CNBD1: variants seen among roughly 807,000 people sequenced by gnomAD.
The protein encoded by CNBD1 is cyclic nucleotide-binding domain-containing protein 1.
A neutral mutation model predicts 54.4 loss-of-function variants in CNBD1; 71 were observed. That is an observed-to-expected ratio of 1.30 (90% CI 1.08 to 1.59). CNBD1 has a LOEUF of 1.59. Among genes scored for constraint, CNBD1 ranks in the 40% most tolerant of loss-of-function variants. CNBD1 has a pLI of 0.00. For missense variants in CNBD1, 659 were observed against 518.0 expected, an observed-to-expected ratio of 1.27 and a Z score of -2.64; for synonymous variants, 182 against 170.7, an observed-to-expected ratio of 1.07 and a Z score of -0.51.
At chr8:87,162,423 C>T (rs559849144) in intron 4 of CNBD1, among the ~76,000 whole-genome samples, 1 of 152,014 alleles carries the variant, frequency 6.6e-6, no homozygotes, top group South Asian at 2.1e-4. Flanking sequence ...CTTTAAGTAT[C>T]TGCATAAGTT....
In CNBD1 at chr8:86,970,069, G is replaced by T. The variant is rs149903802; in HGVS notation, c.431+30315G>T. Among the ~76,000 whole-genome samples the T allele has an allele frequency of 7.2e-4, 110 of 151,914 alleles. 1 individual carries two copies. In the East Asian group the frequency reaches 0.013, roughly 18 times the overall value. ...TTCTTGAATGTTTTTGCTGAATATAGAATTCTAGTTTGGCAGTCATTTTTA... is the reference window on the plus strand; with the variant it reads ...TTCTTGAATGTTTTTGCTGAATATATAATTCTAGTTTGGCAGTCATTTTTA... On this transcript the variant is annotated intron_variant, in intron 4 of 10. Coordinates refer to ENST00000518476, the MANE Select transcript of CNBD1 (RefSeq NM_173538.3).
Position 87,412,539 on chromosome 8 carries a change from A to T in CNBD1, c.214-16007A>T, listed in dbSNP as rs576407051. Among the ~76,000 whole-genome samples the T allele has an allele frequency of 5.9e-5, 9 of 152,242 alleles. No homozygotes were observed. In the South Asian group the frequency reaches 1.9e-3, roughly 32 times the overall value. On this transcript the variant is annotated intron_variant, in intron 2 of 7. Coordinates refer to the CNBD1 transcript ENST00000521593. The stretch of plus-strand genomic sequence containing the variant: ...TCAAATAATTATTTCCCGAATGCAC[A>T]TGAGGCTAAATTTCACCAAGAAAAA...
chr8:87,088,564 A>T (rs1180705490), intron 4 of CNBD1, among the ~76,000 whole-genome samples: 1 of 152,166 alleles, frequency 6.6e-6, no homozygotes, highest in Admixed American at 6.5e-5. Flanking sequence ...GAAAAATTTT[A>T]AAATCACAAT....
chr8:87,376,594 A>G (rs10110972), intron 10 of CNBD1, among the ~76,000 whole-genome samples: 56,303 of 151,800 alleles, frequency 0.37, 10,780 homozygotes, highest in Middle Eastern at 0.45. Context: ...ACATTTGGAC[A>G]TATGTATTCA....
intron 4 of CNBD1, among the ~76,000 whole-genome samples, chr8:87,180,170 A>C (rs1383620743): frequency 6.6e-6 from 1 of 152,198 alleles, no homozygotes; most frequent in East Asian, 1.9e-4. Context: ...AAAAATACCC[A>C]AGCCATGATT....
chr8:87,400,640 C>T (rs9693903), intron 2 of CNBD1, among the ~76,000 whole-genome samples: 83,151 of 151,658 alleles, frequency 0.55, 23,865 homozygotes, highest in African/African-American at 0.71. Flanking sequence ...TCCAAATTGA[C>T]TACAAGATTG....
chr8:87,082,861 C>A (rs1206926786), intron 4 of CNBD1, among the ~76,000 whole-genome samples: 2 of 151,988 alleles, frequency 1.3e-5, no homozygotes, highest in African/African-American at 4.8e-5. Context: ...AAAATGATTC[C>A]ATTTTAAATG....
chr8:87,202,783 A>G (rs1321937323), intron 4 of CNBD1, among the ~76,000 whole-genome samples: 3 of 152,158 alleles, frequency 2.0e-5, no homozygotes, highest in Non-Finnish European at 4.4e-5. Flanking sequence ...GGAGAATTCC[A>G]AATAGAAGGC....
At chr8:87,322,652 T>A (rs1243799348) in intron 8 of CNBD1, among the ~76,000 whole-genome samples, 1 of 84,264 alleles carries the variant, frequency 1.2e-5, no homozygotes, top group Non-Finnish European at 2.5e-5. Context: ...GATGGGGTTG[T>A]TTGTTTTTTT....
At chr8:87,058,636 T>C (rs1404474715) in intron 4 of CNBD1, among the ~76,000 whole-genome samples, 1 of 152,182 alleles carries the variant, frequency 6.6e-6, no homozygotes, top group Non-Finnish European at 1.5e-5. Context: ...TTGCCTTCTC[T>C]GAAGCAATAT....
chr8:87,318,125 G>A (rs923014828), intron 8 of CNBD1, among the ~76,000 whole-genome samples: 4 of 151,842 alleles, frequency 2.6e-5, no homozygotes, highest in African/African-American at 9.7e-5. Flanking sequence ...TATGGGATAT[G>A]TGTTTGATAA....
intron 2 of CNBD1, among the ~76,000 whole-genome samples, chr8:87,394,686 G>T (rs1300317429): frequency 6.6e-6 from 1 of 151,848 alleles, no homozygotes; most frequent in African/African-American, 2.4e-5. Context: ...TTTCTAGTTA[G>T]AGAGCACCTA....
At chr8:86,892,032 A>T (rs1808775783) in intron 2 of CNBD1, among the ~76,000 whole-genome samples, 1 of 151,688 alleles carries the variant, frequency 6.6e-6, no homozygotes, top group African/African-American at 2.4e-5. Context: ...TTCCTTCCCT[A>T]TTGGGCTGTA....
chr8:86,869,488 T>C (rs1212831024), intron 1 of CNBD1, among the ~76,000 whole-genome samples: 3 of 152,212 alleles, frequency 2.0e-5, no homozygotes, highest in Non-Finnish European at 4.4e-5. Flanking sequence ...CACTGCTATC[T>C]TGTTGACTCT....
At chr8:87,154,130 AC>A (rs1270227418) in intron 4 of CNBD1, among the ~76,000 whole-genome samples, 2 of 152,184 alleles carry the variant, frequency 1.3e-5, no homozygotes, top group African/African-American at 4.8e-5. Context: ...TCAAATTCCT[AC>A]ATTTTTTCAA....
chr8:87,211,016 G>A (rs1322708343), intron 5 of CNBD1, among the ~76,000 whole-genome samples: 2 of 152,166 alleles, frequency 1.3e-5, no homozygotes, highest in Admixed American at 6.5e-5. Context: ...GCCATACCCT[G>A]CAGAGACATG....
chr8:86,876,078 C>A (rs985975349), intron 1 of CNBD1, among the ~76,000 whole-genome samples: 6 of 151,814 alleles, frequency 4.0e-5, no homozygotes, highest in Admixed American at 3.9e-4. Context: ...AATTTGAAAG[C>A]TTTTCTATGT....
intron 8 of CNBD1, among the ~76,000 whole-genome samples, chr8:87,350,170 A>C (rs1159448886): frequency 6.6e-6 from 1 of 152,190 alleles, no homozygotes; most frequent in African/African-American, 2.4e-5. Context: ...TTTAAGAGAA[A>C]AATCTGTGAG....
chr8:87,307,792 C>T (rs1809188665), intron 8 of CNBD1, among the ~76,000 whole-genome samples: 1 of 148,676 alleles, frequency 6.7e-6, no homozygotes, highest in African/African-American at 2.5e-5. Context: ...TGCAAGAAAG[C>T]TTCATGGATT....
Sources: allele counts gnomAD v4.1 joint callset (sites outside exome capture counted in the v4.1 genomes callset), GRCh38; gene constraint gnomAD v4.1.1; transcripts MANE v1.5; gene names NCBI Gene and HGNC (gene_info 2026-07-23, HGNC 2026-07-21).